The following OPN4 variants were observed in gnomAD, a reference collection of about 807,000 sequenced individuals.
The protein encoded by OPN4 is opsin 4, also known as melanopsin.
A neutral mutation model predicts 49.5 loss-of-function variants in OPN4; 43 were observed. The observed-to-expected ratio is 0.87, with a 90% CI of 0.68 to 1.12. OPN4 has a LOEUF of 1.12. OPN4 is among the 50% of genes most tolerant of loss of function. The pLI, the probability that OPN4 is intolerant of heterozygous loss-of-function variation, is 0.00. For missense variants in OPN4, 657 were observed against 643.9 expected, an observed-to-expected ratio of 1.02 and a Z score of -0.22; for synonymous variants, 263 against 258.0, an observed-to-expected ratio of 1.02 and a Z score of -0.19.
At position 86,658,575 on chromosome 10, in the gene OPN4, CA is replaced by C; in HGVS notation, c.517del (p.Thr173HisfsTer46). 1 of 1,614,208 alleles carries C rather than the reference CA, an allele frequency of 6.2e-7. No homozygotes were observed. On this transcript the variant is annotated frameshift_variant, in exon 4 of 10. Transcript: ENST00000241891. LOFTEE classifies it high-confidence loss of function. ...AIALDRYLVI[T>X]RPLATFGVAS... The stretch of plus-strand genomic sequence containing the variant: ...TCGCCCTGGACCGCTACCTGGTAAT[CA>C]CACGCCCGCTGGCCACCTTTGGTGT...
rs1019934036 is a variant in OPN4, at chr10:86,665,825, G to C, written c.*74G>C. On this transcript the variant is annotated 3_prime_UTR_variant, in exon 10 of 10. Coordinates refer to ENST00000241891, the MANE Select transcript of OPN4 (RefSeq NM_033282.4). The stretch of plus-strand genomic sequence containing the variant: ...CGTCTCCCTCATATACACAGACCCA[G>C]GATTATGCTGTGAGCCTGCAGGCTT... 2.5e-6 allele frequency: 3 copies of C among 1,192,110 alleles called. No individual in the cohort carries two copies. Among genetic ancestry groups the C allele is most frequent in the Non-Finnish European group, 2.5e-6 (2 of 809,036 alleles). 73.8% of individuals were successfully genotyped at this position (1,192,110 alleles called of 1,614,324 possible). A position where few individuals can be genotyped will look rare whatever the true frequency, so the allele number is the denominator to read the frequency against.
Position 86,658,661 on chromosome 10 carries a change from G to C in OPN4, c.602G>C (p.Trp201Ser). ...LLGVWLYALA[W>S]SLPPFFGWSA... ...GGCGTTTGGCTCTATGCCCTGGCCT[G>C]GAGTCTGCCACCCTTCTTCGGCTGG... The change falls in exon 4 of 10, where the codon TGG becomes TCG. Residue 201 changes from tryptophan to serine, a missense_variant. Physicochemically the swap from Trp to Ser is radical, Grantham distance 177. Transcript: ENST00000241891. 6.2e-7 allele frequency: 1 copy of C among 1,613,376 alleles called. No homozygotes were observed. Among genetic ancestry groups the C allele is most frequent in the Non-Finnish European group, 8.5e-7 (1 of 1,180,042 alleles).
At chr10:86,661,763 GCC>G (rs1844014152) in intron 7 of OPN4, among the ~76,000 whole-genome samples, 6 of 151,318 alleles carry the variant, frequency 4.0e-5, no homozygotes, top group African/African-American at 1.5e-4. Flanking sequence ...TGCTCCCAGG[GCC>G]TGGCAGGAGC....
intron 9 of OPN4, chr10:86,664,094 A>C: frequency 2.9e-6 from 1 of 342,416 alleles, no homozygotes; most frequent in South Asian, 5.9e-5. Flanking sequence ...ATAAGAGTAC[A>C]TGTGTGTGTT....
At chr10:86,657,207 T>C (rs41297165) in intron 2 of OPN4, 4 of 780,650 alleles carry the variant, frequency 5.1e-6, no homozygotes, top group African/African-American at 5.1e-5. Flanking sequence ...CTGTGCTTCG[T>C]GGAGTCACTG....
intron 3 of OPN4, 121 bp from the exon 4 acceptor site, chr10:86,658,363 G>T: frequency 7.9e-7 from 1 of 1,266,372 alleles, no homozygotes; most frequent in Non-Finnish European, 1.1e-6. Flanking sequence ...GCCAGATGTG[G>T]CAGGTGGAGG....
chr10:86,658,709 G>A (rs1199890835), intron 4 of OPN4, 22 bp downstream of exon 4: 1 of 1,607,880 alleles, frequency 6.2e-7, no homozygotes, highest in Non-Finnish European at 8.5e-7. Context: ...GCTGGAACTG[G>A]AAGGGGGGCA....
chr10:86,660,995 C>T (rs746328924), intron 6 of OPN4, among the ~76,000 whole-genome samples: 9 of 152,096 alleles, frequency 5.9e-5, no homozygotes, highest in African/African-American at 1.2e-4. Flanking sequence ...GGTGTGGTGA[C>T]GGGCACCTGT....
In OPN4 at chr10:86,655,102, G is replaced by A. The variant is rs34751024; in HGVS notation, c.144+175G>A. 7.5e-3 allele frequency among the ~76,000 whole-genome samples: 1,147 copies of A among 152,360 alleles called. 15 individuals carry two copies. Among genetic ancestry groups the A allele is most frequent in the African/African-American group, 0.026 (1,086 of 41,582 alleles). On this transcript the variant is annotated intron_variant, in intron 1 of 9. Transcript: ENST00000241891. ...CGCCCCTGATAAACAGGCTGATAGAGGAGGGTGCAGGCAATGTCCTTCCTC... is the reference window on the plus strand; with the variant it reads ...CGCCCCTGATAAACAGGCTGATAGAAGAGGGTGCAGGCAATGTCCTTCCTC...
At position 86,654,938 on chromosome 10, in the gene OPN4, G is replaced by A; in HGVS notation, c.144+11G>A. ...TCCATCAGTCCCACAGTAAGCCTGGGCGAGCATGTGCATGCACAGAGCCTT... is the reference window on the plus strand; with the variant it reads ...TCCATCAGTCCCACAGTAAGCCTGGACGAGCATGTGCATGCACAGAGCCTT... On this transcript the variant is annotated intron_variant, in intron 1 of 9. Transcript: ENST00000241891. The A allele has an allele frequency of 1.2e-6, 2 of 1,612,996 alleles. No individual in the cohort carries two copies. Among genetic ancestry groups the A allele is most frequent in the Non-Finnish European group, 1.7e-6 (2 of 1,179,500 alleles).
rs371493155 is a variant in OPN4, at chr10:86,660,009, C to T, written c.915C>T (p.Phe305=). Residue 305 remains phenylalanine, a synonymous_variant, in exon 6 of 10, where the codon TTC becomes TTT. Coordinates refer to ENST00000241891, the MANE Select transcript of OPN4 (RefSeq NM_033282.4). ...TCATGCTGCTGGTCATCCTCCTCTTCGTGCTCTCCTGGGCTCCCTATTCCG... is the reference window on the plus strand; with the variant it reads ...TCATGCTGCTGGTCATCCTCCTCTTTGTGCTCTCCTGGGCTCCCTATTCCG... ...AKIMLLVILL[F]VLSWAPYSAV... 5.6e-5 allele frequency: 91 copies of T among 1,614,092 alleles called. No homozygotes were observed. The Middle Eastern group carries it at 1.3e-3, about 23-fold the overall frequency.
chr10:86,665,763 G>T lies in OPN4; in HGVS notation c.*12G>T, dbSNP rs1288033341. The T allele has an allele frequency of 1.2e-6, 2 of 1,610,568 alleles. No homozygotes were observed. Among genetic ancestry groups the T allele is most frequent in the South Asian group, 2.2e-5 (2 of 90,976 alleles). ...ACCCCAGGATGTAGGACGCCCACTG[G>T]CTCTCCCTTTCTTCTGAGACACATC... On this transcript the variant is annotated 3_prime_UTR_variant, in exon 10 of 10. Transcript: ENST00000241891.
intron 9 of OPN4, among the ~76,000 whole-genome samples, chr10:86,664,731 C>A (rs1011244216): frequency 6.6e-6 from 1 of 152,190 alleles, no homozygotes; most frequent in Non-Finnish European, 1.5e-5. Context: ...GAGCCTCAGC[C>A]TCCCTCAGCA....
chr10:86,656,323 C>A (rs374722530), intron 2 of OPN4, 23 bp downstream of exon 2: 54 of 1,572,828 alleles, frequency 3.4e-5, no homozygotes, highest in Admixed American at 3.6e-5. Flanking sequence ...TGGTGCTGGG[C>A]CCAGGGCACT....
In OPN4 at chr10:86,658,696, G is replaced by T. The variant is rs1843930789; in HGVS notation, c.628+9G>T. On this transcript the variant is annotated intron_variant, in intron 4 of 9. Transcript: ENST00000241891. ...ACCCTTCTTCGGCTGGAGTAAGTGG[G>T]CTGCTGGAACTGGAAGGGGGGCAGA... 1 of 1,610,042 alleles carries T rather than the reference G, an allele frequency of 6.2e-7. No homozygotes were observed.
At chr10:86,657,147 G>A (rs1843888175) in intron 2 of OPN4, 1 of 778,930 alleles carries the variant, frequency 1.3e-6, no homozygotes, top group East Asian at 2.4e-5. Flanking sequence ...TGAAGGACTG[G>A]GCACGTCATT....
intron 1 of OPN4, 35 bp from the exon 2 acceptor site, chr10:86,656,120 T>C: frequency 6.2e-7 from 1 of 1,613,868 alleles, no homozygotes; most frequent in South Asian, 1.1e-5. Context: ...TGACAAGCGA[T>C]AACATGATTC....
At chr10:86,659,865 G>T in intron 5 of OPN4, 30 bp from the exon 6 acceptor site, 1 of 1,611,630 alleles carries the variant, frequency 6.2e-7, no homozygotes, top group Non-Finnish European at 8.5e-7. Context: ...ACCCGACTAG[G>T]GTCAGACCTG....
rs1410430672 is a variant in OPN4, at chr10:86,663,761, C to A, written c.1357C>A (p.Pro453Thr). The part of the protein sequence containing the change: ...QGLEDLEAKA[P>T]PRPQGHEAET... Reference sequence around the variant, plus strand: ...TCTGGAGGACTTGGAAGCCAAGGCACCCCCCAGACCCCAGGGACACGAAGC... The same window carrying A: ...TCTGGAGGACTTGGAAGCCAAGGCAACCCCCAGACCCCAGGGACACGAAGC... Residue 453 changes from proline (P) to threonine (T), a missense_variant, in exon 9 of 10, where the codon CCC (proline) becomes ACC (threonine). Transcript: ENST00000241891. 1 of 1,559,432 alleles carries A rather than the reference C, an allele frequency of 6.4e-7. No homozygotes were observed. The highest frequency in any genetic ancestry group is 1.9e-5 in the Admixed American group (1 of 52,168).
Sources: allele counts gnomAD v4.1 joint callset (sites outside exome capture counted in the v4.1 genomes callset), GRCh38; gene constraint gnomAD v4.1.1; transcripts MANE v1.5; gene names NCBI Gene and HGNC (gene_info 2026-07-23, HGNC 2026-07-21).